Variants in SH3RF2 observed in about 807,000 individuals in gnomAD.
SH3RF2 encodes E3 ubiquitin-protein ligase SH3RF2.
SH3RF2 carries 43 observed loss-of-function variants against 59.0 expected under a neutral mutation model. The observed-to-expected ratio is 0.73, with a 90% CI of 0.57 to 0.94. SH3RF2 has a LOEUF of 0.94. Among genes scored for constraint, SH3RF2 ranks in the 40% least tolerant of loss-of-function variants. The probability of loss-of-function intolerance (pLI) is 0.00; values close to 1 mark genes in which losing one functional copy is unlikely to be tolerated. For missense variants in SH3RF2, 930 were observed against 940.1 expected (o/e 0.99, Z 0.14); for synonymous variants, 391 against 391.5 (o/e 1.00, Z 0.01).
At chr5:145,988,632 T>C (rs956129478) in intron 2 of SH3RF2, among the ~76,000 whole-genome samples, 48 of 152,104 alleles carry the variant, frequency 3.2e-4, no homozygotes, top group Non-Finnish European at 5.4e-4. Context: ...GAAGTAAAGT[T>C]TTCTATGAAA....
intron 2 of SH3RF2, among the ~76,000 whole-genome samples, chr5:145,982,151 T>G (rs993240152): frequency 2.0e-5 from 3 of 152,192 alleles, no homozygotes; most frequent in African/African-American, 4.8e-5. Context: ...CTCCCCAGCA[T>G]GCAAAGCAGC....
Position 146,000,254 on chromosome 5 carries a change from G to A in SH3RF2, c.575G>A (p.Cys192Tyr). The A allele has an allele frequency of 6.2e-7, 1 of 1,613,930 alleles. No individual in the cohort carries two copies. Among genetic ancestry groups the A allele is most frequent in the African/African-American group, 1.3e-5 (1 of 75,040 alleles). The change falls in exon 3 of 10, where the codon TGC becomes TAC. Residue 192 changes from cysteine (C) to tyrosine (Y), a missense_variant. Physicochemically the swap from Cys to Tyr is radical, Grantham distance 194 (BLOSUM62 -2). Transcript: ENST00000359120. The stretch of plus-strand genomic sequence containing the variant: ...CAGCTGCCCCAGCCGCCCCCGCTCT[G>A]CAGGGCCCTCTACAACTTCGACCTA... ...IKQLPQPPPL[C>Y]RALYNFDLRG...
intron 2 of SH3RF2, among the ~76,000 whole-genome samples, chr5:145,972,159 C>T (rs1240348770): frequency 1.3e-5 from 2 of 152,036 alleles, no homozygotes; most frequent in South Asian, 2.1e-4. Context: ...TACTCACTAT[C>T]TGATAATCTT....
At chr5:145,990,262 C>T (rs1759883117) in intron 2 of SH3RF2, among the ~76,000 whole-genome samples, 3 of 152,168 alleles carry the variant, frequency 2.0e-5, no homozygotes, top group African/African-American at 7.2e-5. Context: ...TGGGAAATAT[C>T]ACCAATATAA....
At chr5:146,071,258 C>T (rs1201857202) in intron 9 of SH3RF2, among the ~76,000 whole-genome samples, 2 of 152,192 alleles carry the variant, frequency 1.3e-5, no homozygotes, top group South Asian at 2.1e-4. Context: ...CCTGCAAGCC[C>T]CACCACCACC....
downstream of SH3RF2, among the ~76,000 whole-genome samples, chr5:146,064,721 A>G (rs1477664276): frequency 5.2e-4 from 14 of 26,998 alleles, 2 homozygotes; most frequent in Admixed American, 1.6e-3. Flanking sequence ...AAAGAAAGAA[A>G]GAAAGAAAGG....
chr5:145,944,444 TG>T (rs1757938872), intron 2 of SH3RF2, among the ~76,000 whole-genome samples: 1 of 151,674 alleles, frequency 6.6e-6, no homozygotes, highest in Non-Finnish European at 1.5e-5. Flanking sequence ...CTCGAACTCC[TG>T]GGCTCAAGCA....
intron 2 of SH3RF2, 60 bp downstream of exon 2, chr5:145,938,366 A>G (rs1043389547): frequency 1.4e-6 from 2 of 1,479,982 alleles, no homozygotes; most frequent in African/African-American, 2.8e-5. Flanking sequence ...TGTGTATACA[A>G]GGAGCTAGAG....
intron 5 of SH3RF2, among the ~76,000 whole-genome samples, chr5:146,020,054 G>A (rs78430317): frequency 0.025 from 3,760 of 152,036 alleles, 167 homozygotes; most frequent in African/African-American, 0.087. Context: ...AAACAGAGAT[G>A]GTTTGACTTC....
At chr5:146,006,487 C>A (rs1028084713) in intron 4 of SH3RF2, among the ~76,000 whole-genome samples, 1 of 152,078 alleles carries the variant, frequency 6.6e-6, no homozygotes, top group East Asian at 1.9e-4. Context: ...CTTACCAGGG[C>A]AGAAGGTCAA....
At chr5:145,963,934 G>A (rs370074302) in intron 2 of SH3RF2, among the ~76,000 whole-genome samples, 1 of 150,772 alleles carries the variant, frequency 6.6e-6, no homozygotes, top group Non-Finnish European at 1.5e-5. Flanking sequence ...CCGGATTCAC[G>A]CCATTCTCCT....
intron 2 of SH3RF2, among the ~76,000 whole-genome samples, chr5:145,939,377 T>C (rs566751917): frequency 6.6e-6 from 1 of 152,336 alleles, no homozygotes; most frequent in East Asian, 1.9e-4. Context: ...GGGAGGGTCT[T>C]GCAGGACTGC....
chr5:145,940,516 A>T (rs183240803), intron 2 of SH3RF2, among the ~76,000 whole-genome samples: 93 of 152,338 alleles, frequency 6.1e-4, no homozygotes, highest in African/African-American at 2.1e-3. Flanking sequence ...AGAGAGTCAG[A>T]GGAATGGACT....
chr5:146,048,571 A>C (rs1461501760), intron 6 of SH3RF2, among the ~76,000 whole-genome samples: 1 of 152,218 alleles, frequency 6.6e-6, no homozygotes, highest in South Asian at 2.1e-4. Context: ...ACACTCCCCC[A>C]TTCCCTTTGA....
intron 9 of SH3RF2, among the ~76,000 whole-genome samples, chr5:146,068,662 C>T (rs773496536): frequency 5.9e-5 from 9 of 152,104 alleles, no homozygotes; most frequent in Non-Finnish European, 8.8e-5. Context: ...GTTAAATGAT[C>T]GAGCAGACTG....
At chr5:145,953,103 GTCTCTC>G (rs58627935) in intron 2 of SH3RF2, among the ~76,000 whole-genome samples, 2 of 146,124 alleles carry the variant, frequency 1.4e-5, no homozygotes, top group African/African-American at 2.5e-5. Context: ...AACACCAACA[GTCTCTC>G]TCTCTCTCTC....
At chr5:146,044,950 G>T (rs985428639) in intron 5 of SH3RF2, among the ~76,000 whole-genome samples, 2 of 152,214 alleles carry the variant, frequency 1.3e-5, no homozygotes, top group Admixed American at 1.3e-4. Context: ...GCCCAGAGAA[G>T]TAAAAAGACA....
intron 2 of SH3RF2, among the ~76,000 whole-genome samples, chr5:145,951,086 G>GA (rs1257033528): frequency 8.5e-5 from 13 of 152,104 alleles, no homozygotes; most frequent in Non-Finnish European, 1.3e-4. Flanking sequence ...ATGTTTTTAA[G>GA]AAAAAATTAT....
intron 8 of SH3RF2, among the ~76,000 whole-genome samples, chr5:146,057,564 G>A (rs756086699): frequency 6.6e-6 from 1 of 152,186 alleles, no homozygotes; most frequent in Non-Finnish European, 1.5e-5. Context: ...GTTTTTTATA[G>A]TATTTTTTTA....
Sources: allele counts gnomAD v4.1 joint callset (sites outside exome capture counted in the v4.1 genomes callset), GRCh38; gene constraint gnomAD v4.1.1; transcripts MANE v1.5; gene names NCBI Gene and HGNC (gene_info 2026-07-23, HGNC 2026-07-21).